The following LYST variants were observed in gnomAD, a reference collection of about 807,000 sequenced individuals.
LYST encodes the protein lysosomal-trafficking regulator.
Under a neutral mutation model 413.6 loss-of-function variants are expected in LYST, and 192 were observed. The observed-to-expected ratio is 0.46, with a 90% CI of 0.41 to 0.52. The LOEUF is 0.52. Among genes scored for constraint, LYST ranks in the 20% least tolerant of loss-of-function variants. LYST has a pLI of 0.00. For missense variants in LYST, 3,815 were observed against 4,499.9 expected, an observed-to-expected ratio of 0.85 and a Z score of 4.35; for synonymous variants, 1,525 against 1,567.3, an observed-to-expected ratio of 0.97 and a Z score of 0.64.
chr1:235,744,115 T>C lies in LYST; in HGVS notation c.8015A>G (p.Asn2672Ser). 4 of 1,600,474 alleles carry C rather than the reference T, an allele frequency of 2.5e-6. No individual in the cohort carries two copies. Among genetic ancestry groups the C allele is most frequent in the Non-Finnish European group, 3.4e-6 (4 of 1,167,990 alleles). The part of the protein sequence containing the change: ...DIIDILRTPE[N>S]VTQSKTSVFQ... Reference sequence around the variant, plus strand: ...AACTGAGGTCTTGCTTTGAGTTACATTTTCTGGAGTTCTCAAAATGTCAAT... The same window carrying C: ...AACTGAGGTCTTGCTTTGAGTTACACTTTCTGGAGTTCTCAAAATGTCAAT... The change falls in exon 30 of 53, where the codon AAT becomes AGT. Residue 2672 changes from asparagine (N) to serine (S), a missense_variant. Around this residue, in one of 4 missense-constraint regions of LYST, gnomAD observed 771 missense variants for 837.1 expected, o/e 0.92. Transcript: ENST00000389793.
rs1037073492 is a variant in LYST at position 235,776,992 on chromosome 1, G to T, written c.5460+71C>A. On this transcript the variant is annotated intron_variant, in intron 17 of 52. Transcript: ENST00000389793. ...TGTAGCTTTTTCGTGTGGTCCAAAA[G>T]AAATCCTTTAATTTATCAATAATAA... 7.8e-6 allele frequency: 11 copies of T among 1,407,664 alleles called. No individual in the cohort carries two copies. In the African/African-American group the frequency reaches 1.6e-4, roughly 20 times the overall value. 87.2% of individuals were successfully genotyped at this position (1,407,664 alleles called of 1,614,324 possible).
intron 1 of LYST, among the ~76,000 whole-genome samples, chr1:235,844,474 C>T (rs1307891055): frequency 6.6e-6 from 1 of 152,170 alleles, no homozygotes; most frequent in Non-Finnish European, 1.5e-5. Context: ...TCCCAGTTGT[C>T]TTGGAGTTAC....
intron 31 of LYST, chr1:235,735,804 T>C (rs1213904709): frequency 6.6e-6 from 1 of 152,062 alleles, no homozygotes; most frequent in East Asian, 1.9e-4. Flanking sequence ...ATGGTGAAAA[T>C]AGTACAGCTC....
intron 25 of LYST, among the ~76,000 whole-genome samples, chr1:235,754,131 T>C (rs917526452): frequency 1.3e-5 from 2 of 152,052 alleles, no homozygotes; most frequent in African/African-American, 4.8e-5. Flanking sequence ...CTCTCCCAGA[T>C]GACCTGAAGG....
intron 31 of LYST, chr1:235,738,303 A>G: frequency 1.9e-6 from 3 of 1,611,846 alleles, no homozygotes; most frequent in Non-Finnish European, 2.5e-6. Flanking sequence ...ACATCGCAAG[A>G]GGGAGAAAGC....
intron 1 of LYST, among the ~76,000 whole-genome samples, chr1:235,842,830 G>A (rs746805108): frequency 4.6e-5 from 7 of 152,124 alleles, no homozygotes; most frequent in Non-Finnish European, 8.8e-5. Context: ...TCTTAGCTCT[G>A]TTCCAGTTCT....
At chr1:235,857,742 T>TACACACAC (rs56208034) in intron 1 of LYST, among the ~76,000 whole-genome samples, 5 of 129,348 alleles carry the variant, frequency 3.9e-5, no homozygotes, top group African/African-American at 1.2e-4. Flanking sequence ...CATATGTAAA[T>TACACACAC]ACACACACAC....
chr1:235,816,470 T>C, intron 3 of LYST, among the ~76,000 whole-genome samples: 1 of 138,456 alleles, frequency 7.2e-6, no homozygotes, highest in South Asian at 2.3e-4. Context: ...AAAATAAAAA[T>C]AAAAAAAAAA....
chr1:235,685,363 G>A (rs1660133531), intron 48 of LYST, among the ~76,000 whole-genome samples: 1 of 152,114 alleles, frequency 6.6e-6, no homozygotes, highest in African/African-American at 2.4e-5. Context: ...TCATGCCCTT[G>A]GAAGTGTTTC....
intron 22 of LYST, among the ~76,000 whole-genome samples, chr1:235,761,764 T>TA (rs113640913): frequency 0.041 from 5,818 of 141,732 alleles, 398 homozygotes; most frequent in African/African-American, 0.14. Flanking sequence ...GGAGTGTGAT[T>TA]AAAAAAAAAA....
chr1:235,682,593 A>G (rs148617102), intron 48 of LYST, among the ~76,000 whole-genome samples: 64 of 152,320 alleles, frequency 4.2e-4, no homozygotes, highest in African/African-American at 1.5e-3. Context: ...TCATCCTCAC[A>G]TCTGTTTTAT....
chr1:235,694,909 A>G (rs955229836), intron 46 of LYST, among the ~76,000 whole-genome samples: 17 of 152,186 alleles, frequency 1.1e-4, no homozygotes, highest in Non-Finnish European at 2.5e-4. Flanking sequence ...AGGATCTATT[A>G]AAATTGAATC....
At chr1:235,685,155 T>C (rs1660111852) in intron 48 of LYST, among the ~76,000 whole-genome samples, 1 of 152,236 alleles carries the variant, frequency 6.6e-6, no homozygotes, top group South Asian at 2.1e-4. Context: ...TACAGTAGAT[T>C]GATCCCTTAG....
intron 14 of LYST, 75 bp from the exon 15 acceptor site, chr1:235,782,162 AT>A: frequency 8.2e-7 from 1 of 1,213,904 alleles, no homozygotes; most frequent in Non-Finnish European, 1.2e-6. Context: ...AAGTATGAAT[AT>A]TTAACAATGG....
At position 235,716,798 on chromosome 1, in the gene LYST, T is replaced by C; in HGVS notation, c.9561-20A>G. On this transcript the variant is annotated intron_variant, in intron 40 of 52. Transcript: ENST00000389793. ...AGATTTCTGCAAGAAAAGGACAATTTTAAAAATTAAATATTTTGATACTGT... is the reference window on the plus strand; with the variant it reads ...AGATTTCTGCAAGAAAAGGACAATTCTAAAAATTAAATATTTTGATACTGT... 4 of 1,421,670 alleles carry C rather than the reference T, an allele frequency of 2.8e-6. No individual in the cohort carries two copies. The highest frequency in any genetic ancestry group is 4.0e-6 in the Non-Finnish European group (4 of 1,005,420). The allele number at this position is 1,421,670 out of a possible 1,614,324, so 88.1% of individuals were successfully genotyped here.
In LYST at chr1:235,805,778, T is replaced by A. The variant is rs1405097388; in HGVS notation, c.3358A>T (p.Ser1120Cys). Reference sequence around the variant, plus strand: ...AACTCCAATTCCATCTTCTGTTGACTAGTTCTGGCACCATGAAGACAAATG... The same window carrying A: ...AACTCCAATTCCATCTTCTGTTGACAAGTTCTGGCACCATGAAGACAAATG... ...LAICLHGART[S>C]QQKMELELPN... is the part of the protein sequence containing the mutation. The change falls in exon 6 of 53, where the codon AGT (serine) becomes TGT (cysteine). Residue 1120 changes from serine to cysteine, a missense_variant. Transcript: ENST00000389793. 6.2e-7 allele frequency: 1 copy of A among 1,613,548 alleles called. No individual in the cohort carries two copies. Among genetic ancestry groups the A allele is most frequent in the Admixed American group, 1.7e-5 (1 of 59,954 alleles).
intron 44 of LYST, among the ~76,000 whole-genome samples, chr1:235,705,848 G>A (rs1661946461): frequency 6.6e-6 from 1 of 152,098 alleles, no homozygotes; most frequent in African/African-American, 2.4e-5. Flanking sequence ...CTGGAGTGCA[G>A]TGGCATGATC....
At position 235,689,091 on chromosome 1, in the gene LYST, G is replaced by A. The variant is rs546694650; in HGVS notation, c.10702-2044C>T. 2.0e-5 allele frequency among the ~76,000 whole-genome samples: 3 copies of A among 150,868 alleles called. No individual in the cohort carries two copies. The South Asian group carries it at 6.3e-4, about 32-fold the overall frequency. ...TTTTCTCAAATCAAAGAATTAATGG[G>A]TGAACAAAAATATATCTTTAGAAAT... is the stretch of plus-strand genomic sequence containing the variant. On this transcript the variant is annotated intron_variant, in intron 47 of 52. Transcript: ENST00000389793.
At chr1:235,796,443 T>C (rs1302530599) in intron 10 of LYST, among the ~76,000 whole-genome samples, 1 of 152,114 alleles carries the variant, frequency 6.6e-6, no homozygotes, top group Non-Finnish European at 1.5e-5. Context: ...GAATCACCAG[T>C]ATAAAAATGG....
Sources: allele counts gnomAD v4.1 joint callset (sites outside exome capture counted in the v4.1 genomes callset), GRCh38; gene constraint gnomAD v4.1.1; regional missense constraint gnomAD v4.1.1; transcripts MANE v1.5; gene names NCBI Gene and HGNC (gene_info 2026-07-23, HGNC 2026-07-21).